The following NRXN3 variants were observed in gnomAD, a reference collection of about 807,000 sequenced individuals.
NRXN3 encodes neurexin III.
In NRXN3, 32 loss-of-function variants were observed where a neutral mutation model predicts 137.6. That is an observed-to-expected ratio of 0.23 (90% CI 0.18 to 0.31). The LOEUF (loss-of-function observed/expected upper bound fraction) is 0.31. Among genes scored for constraint, NRXN3 ranks in the 10% least tolerant of loss-of-function variants. The pLI, the probability that NRXN3 is intolerant of heterozygous loss-of-function variation, is 1.00. For missense variants in NRXN3, 1,574 were observed against 2,062.5 expected (o/e 0.76, Z 4.59); for synonymous variants, 798 against 784.5 (o/e 1.02, Z -0.29).
At chr14:78,387,521 A>G (rs1178932604) in intron 4 of NRXN3, among the ~76,000 whole-genome samples, 1 of 152,216 alleles carries the variant, frequency 6.6e-6, no homozygotes, top group African/African-American at 2.4e-5. Flanking sequence ...GTCACAAATC[A>G]TAATTGTAAA....
chr14:79,286,516 G>A (rs558510121), intron 15 of NRXN3, among the ~76,000 whole-genome samples: 2 of 145,802 alleles, frequency 1.4e-5, no homozygotes, highest in African/African-American at 5.0e-5. Context: ...ATGAAGCTTG[G>A]TGAGATGATT....
chr14:79,098,426 G>T (rs11845522), intron 15 of NRXN3, among the ~76,000 whole-genome samples: 1 of 152,186 alleles, frequency 6.6e-6, no homozygotes, highest in African/African-American at 2.4e-5. Context: ...TCTTGGAGAT[G>T]AAGCAAATAT....
chr14:79,387,151 CA>C (rs1275837111), intron 15 of NRXN3, among the ~76,000 whole-genome samples: 2 of 152,074 alleles, frequency 1.3e-5, no homozygotes, highest in African/African-American at 2.4e-5. Context: ...AAACTACCAT[CA>C]GAGTGAACAG....
chr14:79,219,258 G>A (rs1009974001), intron 15 of NRXN3, among the ~76,000 whole-genome samples: 2 of 152,050 alleles, frequency 1.3e-5, no homozygotes, highest in Non-Finnish European at 2.9e-5. Flanking sequence ...GAGGAGCTAA[G>A]ACTATAGGCA....
chr14:78,854,473 T>A (rs2099051308), intron 10 of NRXN3, among the ~76,000 whole-genome samples: 1 of 152,164 alleles, frequency 6.6e-6, no homozygotes, highest in Non-Finnish European at 1.5e-5. Context: ...TGGGCCATAT[T>A]TCAGTGGTAG....
At chr14:78,668,116 A>G (rs1034251444) in intron 6 of NRXN3, among the ~76,000 whole-genome samples, 2 of 152,144 alleles carry the variant, frequency 1.3e-5, no homozygotes, top group African/African-American at 4.8e-5. Flanking sequence ...ACTTTTCTTC[A>G]TAGATATTAA....
chr14:78,869,889 G>C (rs573571560), intron 10 of NRXN3, among the ~76,000 whole-genome samples: 43 of 152,232 alleles, frequency 2.8e-4, no homozygotes, highest in East Asian at 7.7e-4. Flanking sequence ...AGAGAGAATG[G>C]GCTCAACTCT....
intron 4 of NRXN3, among the ~76,000 whole-genome samples, chr14:78,628,798 G>A (rs17107963): frequency 0.061 from 9,289 of 152,268 alleles, 344 homozygotes; most frequent in Middle Eastern, 0.15. Context: ...CAGGCTAGCA[G>A]CCACAGAAGC....
At chr14:79,179,757 C>A (rs2062722789) in intron 15 of NRXN3, among the ~76,000 whole-genome samples, 1 of 152,116 alleles carries the variant, frequency 6.6e-6, no homozygotes, top group African/African-American at 2.4e-5. Flanking sequence ...TGGGAGCTTG[C>A]CAGTGGTGAA....
intron 5 of NRXN3, among the ~76,000 whole-genome samples, chr14:78,649,083 C>T (rs2097713893): frequency 6.6e-6 from 1 of 152,172 alleles, no homozygotes; most frequent in African/African-American, 2.4e-5. Flanking sequence ...TCCCCCCACT[C>T]TCTTTTTCTG....
intron 10 of NRXN3, among the ~76,000 whole-genome samples, chr14:78,956,380 C>A (rs2099396824): frequency 1.3e-5 from 2 of 152,114 alleles, no homozygotes; most frequent in Admixed American, 1.3e-4. Flanking sequence ...TCTCTCTTGC[C>A]ATCTTTTTCC....
chr14:79,631,066 G>T (rs1440791313), intron 16 of NRXN3, among the ~76,000 whole-genome samples: 1 of 152,110 alleles, frequency 6.6e-6, no homozygotes, highest in African/African-American at 2.4e-5. Flanking sequence ...CTCCTTTATC[G>T]TGTAAAAGTC....
At chr14:79,440,638 A>T (rs2095921611) in intron 15 of NRXN3, among the ~76,000 whole-genome samples, 1 of 152,204 alleles carries the variant, frequency 6.6e-6, no homozygotes, top group Non-Finnish European at 1.5e-5. Context: ...CCAGTGGCCA[A>T]TACATAAAAG....
At chr14:78,620,931 A>G (rs929522210) in intron 4 of NRXN3, among the ~76,000 whole-genome samples, 1 of 152,220 alleles carries the variant, frequency 6.6e-6, no homozygotes, top group East Asian at 1.9e-4. Flanking sequence ...ACAAGTTAAG[A>G]GTCTCCAGAA....
At chr14:79,242,747 C>T (rs2074506458) in intron 15 of NRXN3, among the ~76,000 whole-genome samples, 1 of 152,164 alleles carries the variant, frequency 6.6e-6, no homozygotes, top group African/African-American at 2.4e-5. Context: ...CTCCATCAGT[C>T]AGATTCTGCT....
chr14:79,801,848 T>C (rs2140508559), intron 19 of NRXN3, among the ~76,000 whole-genome samples: 1 of 151,462 alleles, frequency 6.6e-6, no homozygotes, highest in East Asian at 2.0e-4. Context: ...AGGTGAAAGA[T>C]GATGTGTGGG....
At chr14:79,824,497 G>T (rs765250032) in intron 20 of NRXN3, among the ~76,000 whole-genome samples, 2 of 151,922 alleles carry the variant, frequency 1.3e-5, no homozygotes, top group Non-Finnish European at 2.9e-5. Flanking sequence ...TACCCTTTCC[G>T]TTGTGGAAGG....
intron 20 of NRXN3, among the ~76,000 whole-genome samples, chr14:79,849,117 G>A (rs748967517): frequency 6.6e-6 from 1 of 152,080 alleles, no homozygotes; most frequent in African/African-American, 2.4e-5. Context: ...CATTTCCTTT[G>A]CTCCAGCTAC....
intron 10 of NRXN3, among the ~76,000 whole-genome samples, chr14:78,942,125 C>A (rs2099354287): frequency 6.6e-6 from 1 of 152,122 alleles, no homozygotes; most frequent in African/African-American, 2.4e-5. Context: ...GGCTCTGGAG[C>A]CAACATAAGA....
Sources: allele counts gnomAD v4.1 joint callset (sites outside exome capture counted in the v4.1 genomes callset), GRCh38; gene constraint gnomAD v4.1.1; transcripts MANE v1.5; gene names NCBI Gene and HGNC (gene_info 2026-07-23, HGNC 2026-07-21).